Variants in NOL4 observed in about 807,000 individuals in gnomAD.
NOL4 encodes cancer/testis antigen 125.
NOL4 carries 17 observed loss-of-function variants against 75.9 expected under a neutral mutation model. That is an observed-to-expected ratio of 0.22 (90% CI 0.15 to 0.34). NOL4 has a LOEUF of 0.34. NOL4 is among the 10% of genes least tolerant of loss of function. The probability of loss-of-function intolerance (pLI) is 1.00; values close to 1 mark genes in which losing one functional copy is unlikely to be tolerated. For synonymous variants in NOL4, 292 were observed against 289.9 expected (o/e 1.01, Z -0.07); for missense variants, 614 against 793.5 (o/e 0.77, Z 2.72).
intron 1 of NOL4, among the ~76,000 whole-genome samples, chr18:34,176,277 T>C (rs2033538903): frequency 6.6e-6 from 1 of 151,952 alleles, no homozygotes; most frequent in African/African-American, 2.4e-5. Flanking sequence ...GATATTATTA[T>C]CTGAGGAACA....
chr18:34,025,248 G>A (rs1298518839), intron 5 of NOL4, among the ~76,000 whole-genome samples: 1 of 152,092 alleles, frequency 6.6e-6, no homozygotes, highest in Non-Finnish European at 1.5e-5. Flanking sequence ...CTTGCCCAAA[G>A]AATTAAAGGT....
intron 5 of NOL4, among the ~76,000 whole-genome samples, chr18:34,069,347 C>T (rs1368308964): frequency 1.3e-5 from 2 of 152,056 alleles, no homozygotes; most frequent in African/African-American, 4.8e-5. Context: ...TAAACTAAAA[C>T]ATGAGAAAAA....
At chr18:34,035,429 AT>A (rs1331115979) in intron 5 of NOL4, among the ~76,000 whole-genome samples, 1 of 152,130 alleles carries the variant, frequency 6.6e-6, no homozygotes, top group Non-Finnish European at 1.5e-5. Flanking sequence ...AAATAGGAAT[AT>A]AATATATCAA....
At chr18:33,903,805 G>T (rs995702329) in intron 9 of NOL4, among the ~76,000 whole-genome samples, 3 of 151,982 alleles carry the variant, frequency 2.0e-5, no homozygotes, top group African/African-American at 7.2e-5. Flanking sequence ...TTTCTCTTCA[G>T]AATTTAAAAA....
chr18:34,015,989 T>C (rs1172142004), intron 6 of NOL4, among the ~76,000 whole-genome samples: 5 of 152,018 alleles, frequency 3.3e-5, no homozygotes, highest in Admixed American at 6.6e-5. Context: ...GTGTAAGGCA[T>C]ACTGCAGTGG....
intron 3 of NOL4, among the ~76,000 whole-genome samples, 168 bp from the exon 4 acceptor site, chr18:34,104,327 A>G (rs537847934): frequency 8.7e-4 from 132 of 152,184 alleles, no homozygotes; most frequent in Middle Eastern, 3.4e-3. Context: ...AGGTTCTACA[A>G]AGGTGTATTG....
At chr18:34,179,246 A>G (rs920850295) in intron 1 of NOL4, among the ~76,000 whole-genome samples, 1 of 151,560 alleles carries the variant, frequency 6.6e-6, no homozygotes, top group Non-Finnish European at 1.5e-5. Context: ...AAAGATCTCA[A>G]AAACAAACAA....
intron 9 of NOL4, among the ~76,000 whole-genome samples, chr18:33,900,261 G>A (rs1217615445): frequency 2.0e-5 from 3 of 152,000 alleles, no homozygotes; most frequent in Non-Finnish European, 4.4e-5. Flanking sequence ...CCAGCTCTTG[G>A]GTGAACTAAT....
At chr18:34,149,223 T>A (rs1176911385) in intron 1 of NOL4, among the ~76,000 whole-genome samples, 2 of 151,632 alleles carry the variant, frequency 1.3e-5, no homozygotes, top group Non-Finnish European at 3.0e-5. Flanking sequence ...TTCATAGTGA[T>A]TTTAATGATT....
At chr18:33,999,703 G>C (rs1287951492) in intron 6 of NOL4, among the ~76,000 whole-genome samples, 2 of 152,112 alleles carry the variant, frequency 1.3e-5, no homozygotes, top group Non-Finnish European at 2.9e-5. Context: ...CCAGGCTGGA[G>C]TGCAGTGGTG....
At chr18:33,968,054 C>T (rs1379877574) in intron 6 of NOL4, among the ~76,000 whole-genome samples, 1 of 151,876 alleles carries the variant, frequency 6.6e-6, no homozygotes, top group Non-Finnish European at 1.5e-5. Context: ...CCACTGCACT[C>T]CATCCTGGGT....
At chr18:34,147,182 T>C (rs1442058019) in intron 1 of NOL4, among the ~76,000 whole-genome samples, 4 of 151,918 alleles carry the variant, frequency 2.6e-5, no homozygotes. Context: ...GATTTGACTT[T>C]CTCTCTTCCT....
At chr18:34,094,066 A>G (rs756929705) in intron 4 of NOL4, among the ~76,000 whole-genome samples, 92 of 152,150 alleles carry the variant, frequency 6.0e-4, no homozygotes, top group Non-Finnish European at 1.1e-3. Context: ...CAAACAAACA[A>G]AAAAACAATG....
intron 1 of NOL4, among the ~76,000 whole-genome samples, chr18:34,146,153 A>G (rs1226385742): frequency 6.6e-6 from 1 of 152,072 alleles, no homozygotes; most frequent in Non-Finnish European, 1.5e-5. Context: ...TGCTTCCCTT[A>G]AAATGCAAGT....
intron 1 of NOL4, chr18:34,183,445 A>C (rs2034206880): frequency 6.6e-6 from 1 of 151,944 alleles, no homozygotes; most frequent in South Asian, 2.1e-4. Context: ...GTGTGAATGT[A>C]AACTGGGTAC....
At chr18:34,142,223 G>A (rs996036405) in intron 1 of NOL4, among the ~76,000 whole-genome samples, 10 of 152,140 alleles carry the variant, frequency 6.6e-5, no homozygotes, top group Non-Finnish European at 1.3e-4. Flanking sequence ...ACACTTCTAA[G>A]CTGTTGGCGG....
chr18:34,099,237 C>A, intron 4 of NOL4, among the ~76,000 whole-genome samples: 1 of 151,218 alleles, frequency 6.6e-6, no homozygotes, highest in East Asian at 1.9e-4. Context: ...GTGGCGGGCA[C>A]CTGTAATCCT....
chr18:33,944,142 A>G (rs2068682365), intron 8 of NOL4, among the ~76,000 whole-genome samples: 1 of 151,960 alleles, frequency 6.6e-6, no homozygotes, highest in Non-Finnish European at 1.5e-5. Context: ...TTTTGGGAAT[A>G]TAGCATATAC....
At chr18:34,093,375 A>C (rs748243275) in intron 5 of NOL4, 90 bp downstream of exon 5, 7 of 1,292,918 alleles carry the variant, frequency 5.4e-6, no homozygotes, top group Non-Finnish European at 7.3e-6. Flanking sequence ...AAAAATTGAC[A>C]CAAGAATTAA....
Sources: allele counts gnomAD v4.1 joint callset (sites outside exome capture counted in the v4.1 genomes callset), GRCh38; gene constraint gnomAD v4.1.1; transcripts MANE v1.5; gene names NCBI Gene and HGNC (gene_info 2026-07-23, HGNC 2026-07-21).